The following PURG variants were observed in gnomAD, a reference collection of about 807,000 sequenced individuals.
The protein encoded by PURG is purine rich element binding protein G, also known as purine-rich element-binding protein gamma.
PURG carries 3 observed loss-of-function variants against 24.3 expected under a neutral mutation model. That is an observed-to-expected ratio of 0.12 (90% CI 0.06 to 0.32). PURG has a LOEUF of 0.32. PURG is among the 10% of genes least tolerant of loss of function. The probability of loss-of-function intolerance (pLI) is 1.00; values close to 1 mark genes in which losing one functional copy is unlikely to be tolerated. For synonymous variants in PURG, 180 were observed against 173.1 expected (o/e 1.04, Z -0.31); for missense variants, 371 against 439.1 (o/e 0.84, Z 1.39).
In PURG at chr8:31,032,600, G is replaced by A. The variant is rs754851978; in HGVS notation, c.183C>T (p.Ala61=). ...AGGAAEIQEL[A]SKRVDIQKKR... ...TTTTCTGGATGTCCACTCGTTTGGAGGCCAGCTCCTGGATTTCGGCTGCGC... is the reference window on the plus strand; with the variant it reads ...TTTTCTGGATGTCCACTCGTTTGGAAGCCAGCTCCTGGATTTCGGCTGCGC... Residue 61 remains alanine (A), a synonymous_variant, in exon 2 of 2, where the codon GCC becomes GCT. Coordinates refer to ENST00000523392, the MANE Select transcript of PURG (RefSeq NM_001323311.2). This position sits in a 1 kb window ranked among gnomAD's most constrained non-coding sequence, Gnocchi z 5.9. 11 of 1,609,462 alleles carry A rather than the reference G, an allele frequency of 6.8e-6. No homozygotes were observed. The East Asian group carries it at 2.5e-4, about 36-fold the overall frequency.
At chr8:31,018,985 G>A (rs925902038) in intron 1 of PURG, among the ~76,000 whole-genome samples, 1 of 149,396 alleles carries the variant, frequency 6.7e-6, no homozygotes, top group Non-Finnish European at 1.5e-5. Context: ...AAAATTAGGC[G>A]TTGTGGCGGG....
At chr8:31,000,770 C>T (rs1030621485) in intron 1 of PURG, among the ~76,000 whole-genome samples, 1 of 152,010 alleles carries the variant, frequency 6.6e-6, no homozygotes, top group African/African-American at 2.4e-5. Context: ...AAGACATGGC[C>T]CATTCTATAA....
rs1278090122 is a variant in PURG at position 31,013,689 on chromosome 8, G to A, written c.865-16992C>T. ...GAGGCGGAGGTTGCAGTGAGCCGAG[G>A]TCGCGCCACTGCACTCCAGCCTGGG... On this transcript the variant is annotated intron_variant, in intron 1 of 1. Coordinates refer to the PURG transcript ENST00000339382. 3.3e-5 allele frequency among the ~76,000 whole-genome samples: 5 copies of A among 152,126 alleles called. No homozygotes were observed. The East Asian group carries it at 9.6e-4, about 29-fold the overall frequency.
intron 1 of PURG, among the ~76,000 whole-genome samples, chr8:31,022,313 A>G (rs893126594): frequency 1.3e-5 from 2 of 152,172 alleles, no homozygotes; most frequent in Non-Finnish European, 2.9e-5. Flanking sequence ...GCTCGTCAAA[A>G]ATATTTTCTG....
exon 2 of PURG, chr8:30,996,669 T>G: frequency 6.2e-7 from 1 of 1,612,046 alleles, no homozygotes; most frequent in African/African-American, 1.3e-5. Flanking sequence ...AAGGTTGATA[T>G]TCTCTCTGGA....
chr8:31,008,270 C>T (rs1810694376), intron 1 of PURG, among the ~76,000 whole-genome samples: 1 of 152,138 alleles, frequency 6.6e-6, no homozygotes, highest in South Asian at 2.1e-4. Context: ...TGTGACATTT[C>T]GTTAACAGCC....
At chr8:31,002,290 CTA>C (rs1473859429) in intron 1 of PURG, among the ~76,000 whole-genome samples, 1 of 152,014 alleles carries the variant, frequency 6.6e-6, no homozygotes. Context: ...CCCTAAAATT[CTA>C]TGTTATGCTA....
At chr8:31,012,275 G>C (rs930515281) in intron 1 of PURG, among the ~76,000 whole-genome samples, 18 of 152,254 alleles carry the variant, frequency 1.2e-4, no homozygotes, top group African/African-American at 3.6e-4. Flanking sequence ...AAATCTCTTG[G>C]AACTGGAAGA....
chr8:31,021,929 T>C (rs1811000124), intron 1 of PURG, among the ~76,000 whole-genome samples: 1 of 152,020 alleles, frequency 6.6e-6, no homozygotes, highest in Admixed American at 6.6e-5. Context: ...TCTTTTAAAA[T>C]GGTCATGGTG....
chr8:31,001,005 T>C (rs916404439), intron 1 of PURG, among the ~76,000 whole-genome samples: 2 of 152,206 alleles, frequency 1.3e-5, no homozygotes, highest in African/African-American at 4.8e-5. Context: ...AATAATAGTC[T>C]TGGATAGTTT....
At chr8:31,020,012 A>T (rs1810963574) in intron 1 of PURG, among the ~76,000 whole-genome samples, 1 of 151,970 alleles carries the variant, frequency 6.6e-6, no homozygotes, top group Non-Finnish European at 1.5e-5. Flanking sequence ...TTCTACCAAG[A>T]ATACAAAAAT....
At chr8:31,024,616 G>C (rs979676344) in intron 1 of PURG, among the ~76,000 whole-genome samples, 3 of 151,792 alleles carry the variant, frequency 2.0e-5, no homozygotes, top group African/African-American at 7.3e-5. Context: ...CCACCTCTAG[G>C]CAACAACCTC....
intron 1 of PURG, among the ~76,000 whole-genome samples, chr8:31,010,402 C>T (rs1387409108): frequency 6.6e-6 from 1 of 152,174 alleles, no homozygotes; most frequent in East Asian, 1.9e-4. Flanking sequence ...GGTGCACAGA[C>T]ATGAGCACCA....
intron 1 of PURG, among the ~76,000 whole-genome samples, chr8:31,005,438 C>A (rs200427975): frequency 1.8e-3 from 238 of 134,838 alleles, no homozygotes; most frequent in South Asian, 3.7e-3. Flanking sequence ...GTCACCAAAA[C>A]AAAAAAAAAA....
intron 1 of PURG, among the ~76,000 whole-genome samples, chr8:31,000,068 G>A (rs1474486745): frequency 1.3e-5 from 2 of 152,012 alleles, no homozygotes; most frequent in African/African-American, 4.8e-5. Flanking sequence ...GACAATATAT[G>A]TAACAATCAA....
intron 1 of PURG, among the ~76,000 whole-genome samples, chr8:31,007,826 TTC>T (rs1810684790): frequency 6.6e-6 from 1 of 152,208 alleles, no homozygotes; most frequent in African/African-American, 2.4e-5. Flanking sequence ...AGCCTAATGA[TTC>T]TCTTTTTTTA....
chr8:31,024,784 A>C (rs898332412), intron 1 of PURG, among the ~76,000 whole-genome samples: 3 of 152,036 alleles, frequency 2.0e-5, no homozygotes, highest in African/African-American at 7.2e-5. Context: ...GATTTATACC[A>C]TTATTTTGAT....
chr8:31,001,789 A>C (rs565235760), intron 1 of PURG, among the ~76,000 whole-genome samples: 2 of 152,296 alleles, frequency 1.3e-5, no homozygotes, highest in Non-Finnish European at 2.9e-5. Context: ...CTTGTCTTAA[A>C]GAATAGGGTA....
Position 31,032,590 on chromosome 8 carries a change from C to T in PURG, c.193G>A (p.Val65Met). The change falls in exon 2 of 2, where the codon GTG becomes ATG. Residue 65 changes from valine (V) to methionine (M), a missense_variant. This residue lies in a region of PURG where 213 missense variants were observed against 230.6 expected (regional missense o/e 0.92). Coordinates refer to ENST00000523392, the MANE Select transcript of PURG (RefSeq NM_001323311.2). This position sits in a 1 kb window ranked among gnomAD's most constrained non-coding sequence, Gnocchi z 5.9. ...AEIQELASKR[V>M]DIQKKRFYLD... ...TAAAACCTCTTTTTCTGGATGTCCA[C>T]TCGTTTGGAGGCCAGCTCCTGGATT... 4 of 1,611,446 alleles carry T rather than the reference C, an allele frequency of 2.5e-6. No individual in the cohort carries two copies. Among genetic ancestry groups the T allele is most frequent in the East Asian group, 2.2e-5 (1 of 44,800 alleles).
Sources: gnomAD v4.1 joint callset for allele counts (sites outside exome capture counted in the v4.1 genomes callset) on GRCh38, gnomAD v4.1.1 for gene constraint, gnomAD v4.1.1 regional missense constraint, Gnocchi (gnomAD v3.1) non-coding constraint, MANE v1.5 for transcripts, NCBI Gene and HGNC (gene_info 2026-07-23, HGNC 2026-07-21) for gene names.